The following FRMD6 variants were observed in gnomAD, a reference collection of about 807,000 sequenced individuals.
FRMD6 encodes the protein FERM domain-containing protein 6.
A neutral mutation model predicts 73.2 loss-of-function variants in FRMD6; 37 were observed. The observed-to-expected ratio is 0.51, with a 90% CI of 0.39 to 0.66. The LOEUF (loss-of-function observed/expected upper bound fraction) is 0.66, where lower values mean the gene tolerates loss of function less well. Ranked by LOEUF, FRMD6 falls within the 30% of genes least tolerant of loss-of-function variation. The probability of loss-of-function intolerance (pLI) is 0.00; values close to 1 mark genes in which losing one functional copy is unlikely to be tolerated. For missense variants in FRMD6, 714 were observed against 780.5 expected (o/e 0.91, Z 1.02); for synonymous variants, 273 against 282.2 (o/e 0.97, Z 0.33).
intron 2 of FRMD6, among the ~76,000 whole-genome samples, chr14:51,691,588 ATTTTTTTTT>A (rs758677611): frequency 4.0e-5 from 3 of 75,150 alleles, no homozygotes; most frequent in Non-Finnish European, 8.4e-5. Flanking sequence ...TTTGATTTTG[ATTTTTTTTT>A]TTTTTTTTTT....
chr14:51,572,138 C>T (rs1888166680), intron 2 of FRMD6, among the ~76,000 whole-genome samples: 1 of 152,216 alleles, frequency 6.6e-6, no homozygotes, highest in Admixed American at 6.5e-5. Context: ...AAGCATCATT[C>T]ATAGCCTATC....
At position 51,720,318 on chromosome 14, in the gene FRMD6, C is replaced by T. The variant is rs746755839; in HGVS notation, c.1288C>T (p.His430Tyr). 1.9e-6 allele frequency: 3 copies of T among 1,614,024 alleles called. No individual in the cohort carries two copies. Among genetic ancestry groups the T allele is most frequent in the East Asian group, 4.5e-5 (2 of 44,888 alleles). Reference protein sequence around the residue: ...KLKTCSSMTSHGSSHTSGVES... With the variant: ...KLKTCSSMTSYGSSHTSGVES... ...GAAAACCTGCAGCTCAATGACCAGT[C>T]ATGGCAGCTCCCACACCTCAGGGGT... The change falls in exon 11 of 14, where the codon CAT becomes TAT. Residue 430 changes from histidine (H) to tyrosine (Y), a missense_variant. Coordinates refer to ENST00000344768, the MANE Select transcript of FRMD6 (RefSeq NM_001267046.2).
intron 1 of FRMD6, among the ~76,000 whole-genome samples, chr14:51,510,979 C>T (rs1265483594): frequency 1.3e-5 from 2 of 152,158 alleles, no homozygotes; most frequent in African/African-American, 2.4e-5. Context: ...TTCTTTCTTT[C>T]GCTCCCCGCC....
chr14:51,593,206 G>A (rs1889499417), intron 2 of FRMD6, among the ~76,000 whole-genome samples: 1 of 152,182 alleles, frequency 6.6e-6, no homozygotes, highest in Non-Finnish European at 1.5e-5. Context: ...GGTGAGGAGA[G>A]TAGGCAAGGG....
chr14:51,627,509 G>A (rs940112644), intron 2 of FRMD6, among the ~76,000 whole-genome samples: 1 of 152,140 alleles, frequency 6.6e-6, no homozygotes, highest in Non-Finnish European at 1.5e-5. Context: ...ACAGCCCAGA[G>A]GAGACCAGAA....
At chr14:51,682,119 C>T (rs1894843140) in intron 1 of FRMD6, among the ~76,000 whole-genome samples, 1 of 152,098 alleles carries the variant, frequency 6.6e-6, no homozygotes, top group African/African-American at 2.4e-5. Flanking sequence ...ATGAATTTTG[C>T]ATTATTTCCA....
chr14:51,690,833 G>C (rs1895512213), intron 2 of FRMD6, among the ~76,000 whole-genome samples: 1 of 151,720 alleles, frequency 6.6e-6, no homozygotes, highest in Non-Finnish European at 1.5e-5. Flanking sequence ...TAGATAACCT[G>C]AACATTGAGG....
At chr14:51,397,001 C>A in the FRMD6 span, 5 of 152,244 alleles carry the variant, frequency 3.3e-5, no homozygotes, top group Admixed American at 2.6e-4. Context: ...TTAACTTACC[C>A]TGTGTGAATT....
the FRMD6 span, among the ~76,000 whole-genome samples, chr14:51,398,362 G>A: frequency 3.4e-3 from 522 of 152,176 alleles, 4 homozygotes; most frequent in African/African-American, 0.012. Context: ...CAAGGTAGAA[G>A]TCATGGTCTT....
rs181693984 is a variant in FRMD6 at position 51,560,901 on chromosome 14, A to G, written c.-209-9447A>G. Among the ~76,000 whole-genome samples, 1,164 of 152,316 alleles carry G rather than the reference A, an allele frequency of 7.6e-3. 13 individuals are homozygous for G. Among genetic ancestry groups the G allele is most frequent in the South Asian group, 0.03 (143 of 4,830 alleles). ...CAAAATTACTCTTGGTCTCTCTTTA[A>G]TAAAAGTTTTGGTAGTAGGGAGAAA... On this transcript the variant is annotated intron_variant, in intron 1 of 14. Coordinates refer to the FRMD6 transcript ENST00000356218.
intron 1 of FRMD6, among the ~76,000 whole-genome samples, chr14:51,505,301 C>T (rs1265905252): frequency 6.6e-6 from 1 of 152,140 alleles, no homozygotes; most frequent in Non-Finnish European, 1.5e-5. Context: ...AAACTCCTGA[C>T]CTCAAGCAAT....
At chr14:51,461,210 C>T in the FRMD6 span, among the ~76,000 whole-genome samples, 1 of 152,210 alleles carries the variant, frequency 6.6e-6, no homozygotes, top group Non-Finnish European at 1.5e-5. Flanking sequence ...AGAAATTTCT[C>T]AGTCCAGGAA....
intron 2 of FRMD6, among the ~76,000 whole-genome samples, chr14:51,635,686 C>G (rs771625864): frequency 2.0e-5 from 3 of 152,180 alleles, no homozygotes; most frequent in African/African-American, 7.2e-5. Flanking sequence ...CAAAGGACTT[C>G]TGTGTGTCTC....
At chr14:51,570,243 A>G (rs992584241) in intron 1 of FRMD6, 2 of 152,228 alleles carry the variant, frequency 1.3e-5, no homozygotes, top group African/African-American at 4.8e-5. Context: ...AAATTGATGT[A>G]TCTTTGGAAT....
chr14:51,554,664 G>A (rs1887026355), intron 1 of FRMD6: 1 of 152,152 alleles, frequency 6.6e-6, no homozygotes, highest in Non-Finnish European at 1.5e-5. Context: ...CAAAATATCC[G>A]ACTGGTACTC....
intron 1 of FRMD6, among the ~76,000 whole-genome samples, chr14:51,520,142 C>A (rs1050877693): frequency 6.6e-6 from 1 of 152,106 alleles, no homozygotes; most frequent in Non-Finnish European, 1.5e-5. Context: ...AGACAAACAA[C>A]CTAATTTAAA....
chr14:51,409,981 A>G, the FRMD6 span, among the ~76,000 whole-genome samples: 1 of 152,148 alleles, frequency 6.6e-6, no homozygotes, highest in Non-Finnish European at 1.5e-5. Flanking sequence ...TCATATCTCA[A>G]ACTTCTTGAA....
In FRMD6 at chr14:51,728,033, C is replaced by A; in HGVS notation, c.*4C>A. ...AGTTCCAGAGTTTGTTGTGTAAAGT[C>A]CGTCTGTGTGCAGCTGTACAGGCAG... is the stretch of plus-strand genomic sequence containing the variant. On this transcript the variant is annotated 3_prime_UTR_variant, in exon 14 of 14. Transcript: ENST00000344768. 1 of 1,603,006 alleles carries A rather than the reference C, an allele frequency of 6.2e-7. No homozygotes were observed. Among genetic ancestry groups the A allele is most frequent in the South Asian group, 1.1e-5 (1 of 90,532 alleles).
rs1566604610 is a variant in FRMD6, at chr14:51,727,737, T to C, written c.1585-8T>C. On this transcript the variant is annotated splice_polypyrimidine_tract_variant and splice_region_variant and intron_variant, in intron 13 of 13. Coordinates refer to ENST00000344768, the MANE Select transcript of FRMD6 (RefSeq NM_001267046.2). ...TTAAAGTTGTTTCATCCTTCCCTTA[T>C]CTTGCAGACTATATGTCGGAAACCA... The C allele has an allele frequency of 6.3e-7, 1 of 1,586,990 alleles. No homozygotes were observed. The highest frequency in any genetic ancestry group is 8.6e-7 in the Non-Finnish European group (1 of 1,159,608).
Sources: allele counts gnomAD v4.1 joint callset (sites outside exome capture counted in the v4.1 genomes callset), GRCh38; gene constraint gnomAD v4.1.1; transcripts MANE v1.5; gene names NCBI Gene and HGNC (gene_info 2026-07-23, HGNC 2026-07-21).